The following FAM117B variants were observed in gnomAD, a reference collection of about 807,000 sequenced individuals.
The protein encoded by FAM117B is protein FAM117B.
A neutral mutation model predicts 52.8 loss-of-function variants in FAM117B; 22 were observed. The ratio of observed to expected loss-of-function variants is 0.42; its 90% CI spans 0.30 to 0.59. The LOEUF (loss-of-function observed/expected upper bound fraction) is 0.59, where lower values mean the gene tolerates loss of function less well. FAM117B is among the 20% of genes least tolerant of loss of function. The probability of loss-of-function intolerance (pLI) is 0.22; values close to 1 mark genes in which losing one functional copy is unlikely to be tolerated. For synonymous variants in FAM117B, 309 were observed against 324.1 expected, an observed-to-expected ratio of 0.95 and a Z score of 0.50; for missense variants, 678 against 802.6, an observed-to-expected ratio of 0.84 and a Z score of 1.88.
At chr2:202,708,260 C>T (rs188807897) in intron 2 of FAM117B, among the ~76,000 whole-genome samples, 2 of 152,256 alleles carry the variant, frequency 1.3e-5, no homozygotes, top group East Asian at 3.9e-4. Context: ...ATCACCATTC[C>T]ATTTCTGATT....
chr2:202,756,542 G>A (rs1691802786), intron 5 of FAM117B, among the ~76,000 whole-genome samples: 2 of 152,108 alleles, frequency 1.3e-5, no homozygotes, highest in African/African-American at 2.4e-5. Flanking sequence ...GTATTGTATT[G>A]ATGCTTAAGA....
At chr2:202,759,482 CCTT>C (rs1691850635) in intron 7 of FAM117B, 129 bp downstream of exon 7, 2 of 1,220,736 alleles carry the variant, frequency 1.6e-6, no homozygotes, top group Admixed American at 5.8e-5. Context: ...ACCTCTACCT[CCTT>C]AGCTCAAGTT....
chr2:202,666,142 A>G (rs1165600222), intron 1 of FAM117B, among the ~76,000 whole-genome samples: 1 of 152,230 alleles, frequency 6.6e-6, no homozygotes, highest in Non-Finnish European at 1.5e-5. Context: ...TGGTATTGTT[A>G]CAAAGCAAAC....
At chr2:202,695,569 A>G (rs1690698151) in intron 1 of FAM117B, among the ~76,000 whole-genome samples, 1 of 152,216 alleles carries the variant, frequency 6.6e-6, no homozygotes, top group Admixed American at 6.5e-5. Context: ...TCAAAGCCCA[A>G]GAGCAGTGAT....
intron 1 of FAM117B, among the ~76,000 whole-genome samples, chr2:202,638,767 A>G (rs1024166530): frequency 2.0e-5 from 3 of 152,148 alleles, no homozygotes; most frequent in Non-Finnish European, 2.9e-5. Flanking sequence ...CAGGTTTAAT[A>G]CCTGTGTTCC....
intron 5 of FAM117B, among the ~76,000 whole-genome samples, chr2:202,756,768 A>G (rs1691805930): frequency 6.6e-6 from 1 of 152,106 alleles, no homozygotes; most frequent in Admixed American, 6.5e-5. Flanking sequence ...CACTTCTGTG[A>G]TTAACCTTTC....
intron 1 of FAM117B, among the ~76,000 whole-genome samples, chr2:202,636,468 A>G (rs1259505919): frequency 6.6e-6 from 1 of 152,232 alleles, no homozygotes; most frequent in Non-Finnish European, 1.5e-5. Flanking sequence ...AACAGAATCC[A>G]GTGTTTTGTC....
chr2:202,752,280 A>G (rs1482712130), intron 4 of FAM117B, among the ~76,000 whole-genome samples: 1 of 152,182 alleles, frequency 6.6e-6, no homozygotes, highest in Non-Finnish European at 1.5e-5. Context: ...CCTGTGTTAC[A>G]TATGAGGACC....
rs1691508967 is a variant in FAM117B, at chr2:202,740,186, A to AAAAT, written c.960+13826_960+13827insTAAA. On this transcript the variant is annotated intron_variant, in intron 4 of 7. Coordinates refer to ENST00000392238, the MANE Select transcript of FAM117B (RefSeq NM_173511.4). ...AGACTTCATCCCCCAAAAAAAAAAAAAAAAAAAAAAAAAAAATCCCCAAAT... is the reference window on the plus strand; with the variant it reads ...AGACTTCATCCCCCAAAAAAAAAAAAAAATAAAAAAAAAAAAAAAATCCCCAAAT... 1.4e-5 allele frequency among the ~76,000 whole-genome samples: 2 copies of AAAAT among 143,658 alleles called. 1 individual carries two copies. Among genetic ancestry groups the AAAAT allele is most frequent in the Non-Finnish European group, 3.0e-5 (2 of 65,732 alleles). The allele number at this position is 143,658 out of a possible 152,430, so 94.2% of individuals were successfully genotyped here. A position where few individuals can be genotyped will look rare whatever the true frequency, so the allele number is the denominator to read the frequency against.
intron 4 of FAM117B, among the ~76,000 whole-genome samples, chr2:202,733,177 G>A (rs561387923): frequency 1.0e-3 from 157 of 152,232 alleles, no homozygotes; most frequent in Admixed American, 3.9e-3. Flanking sequence ...AGGGGAGGGG[G>A]TGTATGAACA....
At chr2:202,760,508 A>G (rs1007659082) in intron 7 of FAM117B, among the ~76,000 whole-genome samples, 2 of 151,652 alleles carry the variant, frequency 1.3e-5, no homozygotes, top group African/African-American at 2.4e-5. Context: ...TTTTCCTTTC[A>G]TGTATTTACC....
chr2:202,702,332 T>G (rs566311285), intron 2 of FAM117B, among the ~76,000 whole-genome samples: 22 of 151,926 alleles, frequency 1.4e-4, no homozygotes, highest in African/African-American at 5.1e-4. Context: ...CAGAGGTTGC[T>G]GTGAGCTGAG....
At chr2:202,642,844 G>A (rs1340476014) in intron 1 of FAM117B, among the ~76,000 whole-genome samples, 6 of 152,204 alleles carry the variant, frequency 3.9e-5, no homozygotes, top group Non-Finnish European at 2.9e-5. Context: ...AGAACTCTGG[G>A]AGGAAACAAG....
At position 202,726,362 on chromosome 2, in the gene FAM117B, A is replaced by G. The variant is rs764299032; in HGVS notation, c.959A>G (p.Gln320Arg). The G allele has an allele frequency of 1.2e-6, 2 of 1,602,822 alleles. No homozygotes were observed. The highest frequency in any genetic ancestry group is 1.1e-5 in the South Asian group (1 of 89,578). The change falls in exon 4 of 8, where the codon CAG becomes CGG. Residue 320 changes from glutamine (Q) to arginine (R), a missense_variant and splice_region_variant. Coordinates refer to ENST00000392238, the MANE Select transcript of FAM117B (RefSeq NM_173511.4). Reference sequence around the variant, plus strand: ...AACCATGCAGCTATTAACCAGTGTCAGGTAAGAGTACCAATACCACAAAAT... The same window carrying G: ...AACCATGCAGCTATTAACCAGTGTCGGGTAAGAGTACCAATACCACAAAAT... ...HGNHAAINQCQAPVPKSALIP... is the reference protein window; with the variant it reads ...HGNHAAINQCRAPVPKSALIP...
chr2:202,681,080 A>G (rs2105770178), intron 1 of FAM117B, among the ~76,000 whole-genome samples: 1 of 152,338 alleles, frequency 6.6e-6, no homozygotes, highest in South Asian at 2.1e-4. Flanking sequence ...ATTAGGCCTA[A>G]GAGTCTTATA....
intron 2 of FAM117B, among the ~76,000 whole-genome samples, chr2:202,699,320 G>A (rs940502011): frequency 1.3e-5 from 2 of 150,462 alleles, no homozygotes; most frequent in Non-Finnish European, 3.0e-5. Context: ...CCAGCTACTC[G>A]GGAAGCTGAG....
At chr2:202,725,879 TG>T (rs1691235383) in intron 3 of FAM117B, among the ~76,000 whole-genome samples, 1 of 152,246 alleles carries the variant, frequency 6.6e-6, no homozygotes, top group Non-Finnish European at 1.5e-5. Context: ...GTGTAATTTT[TG>T]GAACTGTTGA....
At chr2:202,731,489 G>T (rs1691349382) in intron 4 of FAM117B, among the ~76,000 whole-genome samples, 1 of 151,036 alleles carries the variant, frequency 6.6e-6, no homozygotes, top group Admixed American at 6.6e-5. Flanking sequence ...GGAGTGCAGT[G>T]GCGCGACCTT....
At chr2:202,765,392 TTA>T in intron 7 of FAM117B, 52 bp from the exon 8 acceptor site, 6 of 1,469,068 alleles carry the variant, frequency 4.1e-6, no homozygotes, top group South Asian at 2.7e-5. Context: ...TTTTTTTTTT[TTA>T]TTTTTTAAGT....
Sources: gnomAD v4.1 joint callset for allele counts (sites outside exome capture counted in the v4.1 genomes callset) on GRCh38, gnomAD v4.1.1 for gene constraint, MANE v1.5 for transcripts, NCBI Gene and HGNC (gene_info 2026-07-23, HGNC 2026-07-21) for gene names.